STAB2: variants seen among roughly 807,000 people sequenced by gnomAD.
The protein encoded by STAB2 is stabilin-2.
In STAB2, 288 loss-of-function variants were observed where a neutral mutation model predicts 338.1. The observed-to-expected ratio is 0.85, with a 90% CI of 0.77 to 0.94. The LOEUF is 0.94. Among genes scored for constraint, STAB2 ranks in the 40% least tolerant of loss-of-function variants. STAB2 has a pLI of 0.00. For missense variants in STAB2, 3,141 were observed against 3,210.1 expected, an observed-to-expected ratio of 0.98 and a Z score of 0.52; for synonymous variants, 1,202 against 1,193.3, an observed-to-expected ratio of 1.01 and a Z score of -0.15.
In STAB2 at chr12:103,689,854, T is replaced by C; in HGVS notation, c.3054T>C (p.Ser1018=). ...AIFNRWINNA[S]LQPTLSATSN... ...TTCCTTCTGTGGTTCAGAATGCTTC[T>C]CTACAACCCACACTGTCAGCCACCT... The change falls in exon 29 of 69, where the codon TCT becomes TCC. Residue 1018 remains serine, a synonymous_variant. Transcript: ENST00000388887. 5 of 1,613,402 alleles carry C rather than the reference T, an allele frequency of 3.1e-6. No individual in the cohort carries two copies. The highest frequency in any genetic ancestry group is 4.2e-6 in the Non-Finnish European group (5 of 1,179,776).
intron 3 of STAB2, among the ~76,000 whole-genome samples, chr12:103,609,837 C>T (rs1957093613): frequency 6.6e-6 from 1 of 152,032 alleles, no homozygotes; most frequent in Non-Finnish European, 1.5e-5. Flanking sequence ...TCATAAATAG[C>T]TCTTATTATT....
rs752678936 is a variant in STAB2, at chr12:103,692,819, C to A, written c.3305C>A (p.Thr1102Lys). 3 of 1,613,324 alleles carry A rather than the reference C, an allele frequency of 1.9e-6. 1 individual carries two copies. The South Asian group carries it at 3.3e-5, about 18-fold the overall frequency. ...TGTGGTTTGCATTTACAGAATATCA[C>A]AATTGAAGGGGCCTCCATTGTCGAT... ...LHLAKVDGNI[T>K]IEGASIVDGD... The change falls in exon 31 of 69, where the codon ACA (threonine) becomes AAA (lysine). Residue 1102 changes from threonine (T) to lysine (K), a missense_variant. Coordinates refer to ENST00000388887, the MANE Select transcript of STAB2 (RefSeq NM_017564.10).
Position 103,607,293 on chromosome 12 carries a change from T to C in STAB2, c.331+12783T>C, listed in dbSNP as rs567074800. Among the ~76,000 whole-genome samples the C allele has an allele frequency of 2.0e-5, 3 of 152,312 alleles. No homozygotes were observed. In the East Asian group the frequency reaches 5.8e-4, roughly 29 times the overall value. On this transcript the variant is annotated intron_variant, in intron 3 of 68. Coordinates refer to ENST00000388887, the MANE Select transcript of STAB2 (RefSeq NM_017564.10). ...GACTCCAGTTATACATATATTAAAA[T>C]GTTTGAAGTTGTCCCACAACTCACT...
chr12:103,748,390 T>C (rs1194627339), intron 58 of STAB2, among the ~76,000 whole-genome samples: 2 of 152,120 alleles, frequency 1.3e-5, no homozygotes, highest in Non-Finnish European at 2.9e-5. Flanking sequence ...AAACAAAGGT[T>C]CTAAGAGGCA....
chr12:103,608,021 T>C (rs1419314712), intron 3 of STAB2, among the ~76,000 whole-genome samples: 2 of 152,254 alleles, frequency 1.3e-5, no homozygotes, highest in Non-Finnish European at 2.9e-5. Context: ...AAAATGTTCC[T>C]ATTTCTCCAC....
chr12:103,635,581 G>A (rs988976378), intron 6 of STAB2, among the ~76,000 whole-genome samples: 7 of 152,186 alleles, frequency 4.6e-5, no homozygotes, highest in African/African-American at 1.7e-4. Flanking sequence ...CCATGCCTCA[G>A]CCCAGGGGAA....
At chr12:103,708,971 C>T (rs528019014) in intron 39 of STAB2, among the ~76,000 whole-genome samples, 49 of 152,248 alleles carry the variant, frequency 3.2e-4, no homozygotes, top group African/African-American at 1.0e-3. Flanking sequence ...CTCTCTCAAA[C>T]ACTGCTACAA....
chr12:103,753,395 A>G, intron 61 of STAB2, 42 bp downstream of exon 61: 1 of 1,613,300 alleles, frequency 6.2e-7, no homozygotes, highest in Non-Finnish European at 8.5e-7. Flanking sequence ...CAGAGTCTGC[A>G]GGGGCGGAAG....
chr12:103,620,654 C>CACACAT (rs71303518), intron 4 of STAB2, 101 bp downstream of exon 4: 25 of 929,272 alleles, frequency 2.7e-5, no homozygotes, highest in African/African-American at 2.7e-4. Flanking sequence ...CACACACACA[C>CACACAT]GTGCACACAC....
At chr12:103,730,589 T>G (rs1168464455) in intron 49 of STAB2, among the ~76,000 whole-genome samples, 3 of 152,160 alleles carry the variant, frequency 2.0e-5, no homozygotes, top group Non-Finnish European at 4.4e-5. Context: ...TTATTTTTAT[T>G]TATTAATATA....
chr12:103,677,706 C>A, intron 25 of STAB2, 95 bp downstream of exon 25: 2 of 1,448,948 alleles, frequency 1.4e-6, no homozygotes, highest in Non-Finnish European at 9.2e-7. Context: ...CTAGAACTTA[C>A]TGCAGCTTTT....
chr12:103,654,484 G>A, intron 12 of STAB2, 71 bp from the exon 13 acceptor site: 1 of 1,475,860 alleles, frequency 6.8e-7, no homozygotes, highest in Non-Finnish European at 9.1e-7. Flanking sequence ...CAAGACTTCT[G>A]ACTCTACTCC....
intron 3 of STAB2, among the ~76,000 whole-genome samples, chr12:103,618,874 G>A (rs1424887970): frequency 6.6e-6 from 1 of 152,262 alleles, no homozygotes; most frequent in Non-Finnish European, 1.5e-5. Flanking sequence ...TGTCATGGGA[G>A]GGACCCAGGG....
chr12:103,759,385 C>A, intron 65 of STAB2, 112 bp downstream of exon 65: 1 of 1,434,806 alleles, frequency 7.0e-7, no homozygotes. Flanking sequence ...AAACTCTAAA[C>A]CTGCAGATAG....
chr12:103,739,491 T>A, intron 54 of STAB2, 23 bp downstream of exon 54: 1 of 1,564,656 alleles, frequency 6.4e-7, no homozygotes, highest in Non-Finnish European at 8.7e-7. Flanking sequence ...GCAGTGATAA[T>A]GTTTGGAGAG....
At chr12:103,676,247 C>T (rs866292251) in intron 24 of STAB2, among the ~76,000 whole-genome samples, 2 of 151,884 alleles carry the variant, frequency 1.3e-5, no homozygotes, top group African/African-American at 4.8e-5. Flanking sequence ...TTTTAGTAGA[C>T]AGGGTTTCAC....
Position 103,591,264 on chromosome 12 carries a change from C to T in STAB2, c.215+234C>T, listed in dbSNP as rs1956793963. On this transcript the variant is annotated intron_variant, in intron 2 of 68. Transcript: ENST00000388887. ...CTCTGGGAGGCCGAGATGGGAGTAT[C>T]ACTTGAGATCAGGAGTTCGAGACCA... 2.0e-5 allele frequency among the ~76,000 whole-genome samples: 3 copies of T among 152,166 alleles called. No homozygotes were observed. The South Asian group carries it at 6.2e-4, about 32-fold the overall frequency.
Position 103,637,100 on chromosome 12 carries a change from T to C in STAB2, c.584-11T>C, listed in dbSNP as rs746759854. The stretch of plus-strand genomic sequence containing the variant: ...TACTAATGCAAGTACTTCAACAATT[T>C]TCCTATGCAGCCATCCCTGAATGTG... On this transcript the variant is annotated splice_polypyrimidine_tract_variant and intron_variant, in intron 6 of 68. Transcript: ENST00000388887. 15 of 1,591,768 alleles carry C rather than the reference T, an allele frequency of 9.4e-6. No individual in the cohort carries two copies. In the South Asian group the frequency reaches 1.6e-4, roughly 17 times the overall value.
At chr12:103,705,504 G>A in intron 36 of STAB2, 128 bp from the exon 37 acceptor site, 7 of 716,616 alleles carry the variant, frequency 9.8e-6, no homozygotes, top group Admixed American at 5.3e-5. Context: ...GTGCCAACAA[G>A]CCACCACCTT....
Sources: gnomAD v4.1 joint callset for allele counts (sites outside exome capture counted in the v4.1 genomes callset) on GRCh38, gnomAD v4.1.1 for gene constraint, MANE v1.5 for transcripts, NCBI Gene and HGNC (gene_info 2026-07-23, HGNC 2026-07-21) for gene names.